XKR9: variants seen among roughly 807,000 people sequenced by gnomAD.
The protein encoded by XKR9 is XK related 9.
XKR9 carries 32 observed loss-of-function variants against 32.0 expected under a neutral mutation model. The observed-to-expected ratio is 1.00, with a 90% CI of 0.76 to 1.34. XKR9 has a LOEUF of 1.34. Among genes scored for constraint, XKR9 ranks in the 40% most tolerant of loss-of-function variants. The pLI is 0.00. For missense variants in XKR9, 546 were observed against 429.7 expected (o/e 1.27, Z -2.39); for synonymous variants, 168 against 143.4 (o/e 1.17, Z -1.22).
At chr8:70,794,370 T>C (rs1481552403), downstream of XKR9, among the ~76,000 whole-genome samples, 1 of 152,090 alleles carries the variant, frequency 6.6e-6, no homozygotes, top group Non-Finnish European at 1.5e-5. Context: ...TTACCTTGGC[T>C]AGGATTTCCA....
chr8:70,673,683 T>C (rs1818791227), intron 1 of XKR9, among the ~76,000 whole-genome samples: 1 of 151,964 alleles, frequency 6.6e-6, no homozygotes, highest in Non-Finnish European at 1.5e-5. Flanking sequence ...GAGAATCACT[T>C]GAACCCAGGA....
intron 4 of XKR9, among the ~76,000 whole-genome samples, chr8:70,727,818 C>T (rs1468419828): frequency 2.6e-5 from 4 of 151,770 alleles, no homozygotes; most frequent in Admixed American, 1.3e-4. Flanking sequence ...TGTACTGAAT[C>T]AGTTCTTGGG....
the XKR9 span, among the ~76,000 whole-genome samples, chr8:71,053,523 A>G: frequency 1.3e-5 from 2 of 152,242 alleles, no homozygotes; most frequent in Non-Finnish European, 2.9e-5. Context: ...CGCAGTTCAG[A>G]CTGAATCTGA....
At chr8:71,011,796 A>G in the XKR9 span, among the ~76,000 whole-genome samples, 1 of 152,230 alleles carries the variant, frequency 6.6e-6, no homozygotes, top group Non-Finnish European at 1.5e-5. Flanking sequence ...ACTGTTTGCC[A>G]AAAATTTGAT....
At chr8:70,737,043 A>G (rs1320563497), downstream of XKR9, among the ~76,000 whole-genome samples, 4 of 152,100 alleles carry the variant, frequency 2.6e-5, no homozygotes, top group African/African-American at 7.2e-5. Flanking sequence ...CATTGAATCT[A>G]TAAATTACCT....
the XKR9 span, among the ~76,000 whole-genome samples, chr8:71,005,458 A>G: frequency 2.0e-5 from 3 of 152,134 alleles, no homozygotes; most frequent in Admixed American, 2.0e-4. Flanking sequence ...GCCTGACCTC[A>G]GGTGATTCAC....
At chr8:70,675,156 G>A (rs994941434) in intron 2 of XKR9, among the ~76,000 whole-genome samples, 1 of 152,168 alleles carries the variant, frequency 6.6e-6, no homozygotes, top group Middle Eastern at 3.2e-3. Context: ...GCCAGGTGCA[G>A]TTGCCCATTC....
At chr8:70,776,643 G>A (rs1292750733) in intron 2 of XKR9, among the ~76,000 whole-genome samples, 3 of 151,996 alleles carry the variant, frequency 2.0e-5, no homozygotes, top group African/African-American at 4.8e-5. Flanking sequence ...GCAGGGAAAA[G>A]CCAGGTTCTC....
the XKR9 span, among the ~76,000 whole-genome samples, chr8:70,907,596 C>G: frequency 6.6e-6 from 1 of 152,152 alleles, no homozygotes; most frequent in Non-Finnish European, 1.5e-5. Context: ...GGGGTTTATA[C>G]TTTAGCTAGT....
the XKR9 span, among the ~76,000 whole-genome samples, chr8:70,855,088 A>G: frequency 2.6e-5 from 4 of 152,138 alleles, no homozygotes; most frequent in Non-Finnish European, 5.9e-5. Flanking sequence ...TGGGGATGGC[A>G]TTGAATCTAT....
At chr8:70,700,859 C>G (rs191445178) in intron 3 of XKR9, among the ~76,000 whole-genome samples, 82 of 152,314 alleles carry the variant, frequency 5.4e-4, no homozygotes, top group Middle Eastern at 3.4e-3. Context: ...TTCCCAGCTG[C>G]TTTGTTTACC....
the XKR9 span, among the ~76,000 whole-genome samples, chr8:71,048,841 A>C: frequency 6.6e-6 from 1 of 152,326 alleles, no homozygotes; most frequent in Admixed American, 6.5e-5. Context: ...TCTGTAGCTG[A>C]ATTTATGAGT....
At chr8:70,798,545 C>G in the XKR9 span, among the ~76,000 whole-genome samples, 2 of 152,188 alleles carry the variant, frequency 1.3e-5, no homozygotes, top group Admixed American at 1.3e-4. Context: ...TGCAGAAGCT[C>G]CTCAGTTTAA....
chr8:70,933,790 T>A, the XKR9 span, among the ~76,000 whole-genome samples: 2 of 152,070 alleles, frequency 1.3e-5, no homozygotes, highest in Non-Finnish European at 2.9e-5. Context: ...CTGCTCTACA[T>A]CCACACAAGA....
chr8:70,953,467 G>A, the XKR9 span, among the ~76,000 whole-genome samples: 4 of 152,108 alleles, frequency 2.6e-5, no homozygotes, highest in Non-Finnish European at 1.5e-5. Context: ...GTGCACCACC[G>A]TGCCCGGCTA....
chr8:70,788,402 C>A (rs1035293616), intron 2 of XKR9, among the ~76,000 whole-genome samples: 1 of 152,026 alleles, frequency 6.6e-6, no homozygotes, highest in Admixed American at 6.6e-5. Context: ...GTATGTCATA[C>A]AAGTATGGTT....
chr8:70,677,650 A>G (rs1233310274), intron 2 of XKR9, among the ~76,000 whole-genome samples: 1 of 152,190 alleles, frequency 6.6e-6, no homozygotes, highest in African/African-American at 2.4e-5. Flanking sequence ...GTGTAAGTAT[A>G]TTGTGGGTAG....
At chr8:70,843,431 A>G in the XKR9 span, among the ~76,000 whole-genome samples, 20 of 152,316 alleles carry the variant, frequency 1.3e-4, no homozygotes, top group African/African-American at 4.6e-4. Context: ...CTTCTTTAAA[A>G]GTTACCCTAG....
the XKR9 span, among the ~76,000 whole-genome samples, chr8:70,871,035 T>C: frequency 6.6e-6 from 1 of 152,230 alleles, no homozygotes; most frequent in East Asian, 1.9e-4. Context: ...ACTAATAACA[T>C]ATAGTTATTT....
Sources: allele counts gnomAD v4.1 joint callset (sites outside exome capture counted in the v4.1 genomes callset), GRCh38; gene constraint gnomAD v4.1.1; transcripts MANE v1.5; gene names NCBI Gene and HGNC (gene_info 2026-07-23, HGNC 2026-07-21).